Variants in EGFR observed in about 807,000 individuals in gnomAD.
EGFR encodes the protein avian erythroblastic leukemia viral (v-erb-b) oncogene homolog.
In EGFR, 58 loss-of-function variants were observed where a neutral mutation model predicts 143.0. The observed-to-expected ratio is 0.41, with a 90% CI of 0.33 to 0.50. EGFR has a LOEUF of 0.50. Ranked by LOEUF, EGFR falls within the 20% of genes least tolerant of loss-of-function variation. The probability of loss-of-function intolerance (pLI) is 0.39; values close to 1 mark genes in which losing one functional copy is unlikely to be tolerated. For synonymous variants in EGFR, 613 were observed against 594.4 expected (o/e 1.03, Z -0.45); for missense variants, 1,307 against 1,579.0 (o/e 0.83, Z 2.92).
chr7:55,096,490 TG>T (rs1791476918), intron 1 of EGFR, among the ~76,000 whole-genome samples: 1 of 152,168 alleles, frequency 6.6e-6, no homozygotes, highest in African/African-American at 2.4e-5. Flanking sequence ...CATCAGGCGA[TG>T]GGGATACGAT....
intron 1 of EGFR, among the ~76,000 whole-genome samples, chr7:55,062,649 T>A (rs1443365362): frequency 1.3e-5 from 2 of 152,162 alleles, no homozygotes; most frequent in South Asian, 4.1e-4. Context: ...GAGTCCCATA[T>A]TACTGCACGT....
chr7:55,078,311 C>G (rs1436259220), intron 1 of EGFR, among the ~76,000 whole-genome samples: 3 of 152,050 alleles, frequency 2.0e-5, no homozygotes, highest in Non-Finnish European at 2.9e-5. Context: ...CCCCACCCCA[C>G]CGCCACAGCC....
At chr7:55,077,873 T>A (rs1321682258) in intron 1 of EGFR, among the ~76,000 whole-genome samples, 1 of 152,118 alleles carries the variant, frequency 6.6e-6, no homozygotes, top group African/African-American at 2.4e-5. Context: ...GAGCTGGACA[T>A]TGAACCCTGA....
intron 1 of EGFR, among the ~76,000 whole-genome samples, chr7:55,100,874 C>T (rs1369287306): frequency 6.6e-6 from 1 of 152,260 alleles, no homozygotes; most frequent in African/African-American, 2.4e-5. Flanking sequence ...CTGCCAGAGG[C>T]AATATGCTCC....
chr7:55,153,961 C>T (rs368551732), intron 6 of EGFR, 50 bp from the exon 7 acceptor site: 283 of 1,613,770 alleles, frequency 1.8e-4, no homozygotes, highest in African/African-American at 4.0e-4. Context: ...CCGTGTGTGG[C>T]GCTGAGTGTA....
intron 1 of EGFR, among the ~76,000 whole-genome samples, chr7:55,021,060 G>A (rs113913630): frequency 2.0e-5 from 3 of 152,084 alleles, no homozygotes; most frequent in African/African-American, 2.4e-5. Flanking sequence ...TAAAGTCTCC[G>A]GAGATGTTAC....
At chr7:55,199,143 G>A (rs1301381676) in intron 23 of EGFR, among the ~76,000 whole-genome samples, 1 of 152,220 alleles carries the variant, frequency 6.6e-6, no homozygotes, top group Non-Finnish European at 1.5e-5. Context: ...TATTCGCTGA[G>A]TTACTCAATG....
intron 1 of EGFR, among the ~76,000 whole-genome samples, chr7:55,112,973 T>C (rs1792605132): frequency 6.6e-6 from 1 of 152,294 alleles, no homozygotes. Flanking sequence ...CAAGGAAGAT[T>C]AAATTATCCC....
chr7:55,141,740 G>A (rs1266962860), intron 1 of EGFR, among the ~76,000 whole-genome samples: 1 of 152,136 alleles, frequency 6.6e-6, no homozygotes, highest in Non-Finnish European at 1.5e-5. Flanking sequence ...CCCAGTGTAT[G>A]TTATGTTTGT....
intron 1 of EGFR, among the ~76,000 whole-genome samples, chr7:55,097,749 T>C (rs147019591): frequency 6.6e-6 from 1 of 152,116 alleles, no homozygotes; most frequent in South Asian, 2.1e-4. Context: ...GAGCATGTTG[T>C]GCCCAACTAG....
Position 55,102,335 on chromosome 7 carries a change from C to T in EGFR, c.89-39951C>T, listed in dbSNP as rs573580247. ...CTCCAGGAACCCCAGCCACCTTCGACCTCCAGCAGGGCACTCCACTCCACA... is the reference window on the plus strand; with the variant it reads ...CTCCAGGAACCCCAGCCACCTTCGATCTCCAGCAGGGCACTCCACTCCACA... On this transcript the variant is annotated intron_variant, in intron 1 of 27. Coordinates refer to ENST00000275493, the MANE Select transcript of EGFR (RefSeq NM_005228.5). Among the ~76,000 whole-genome samples the T allele has an allele frequency of 2.6e-5, 4 of 152,356 alleles. No homozygotes were observed. In the South Asian group the frequency reaches 6.2e-4, roughly 24 times the overall value.
At chr7:55,187,768 C>T (rs1035132748) in intron 20 of EGFR, among the ~76,000 whole-genome samples, 1 of 151,440 alleles carries the variant, frequency 6.6e-6, no homozygotes, top group Non-Finnish European at 1.5e-5. Context: ...TCAGAGCCCC[C>T]CTGAACCCCA....
At chr7:55,089,335 G>A (rs17172441) in intron 1 of EGFR, among the ~76,000 whole-genome samples, 29,124 of 152,136 alleles carry the variant, frequency 0.19, 3,201 homozygotes, top group African/African-American at 0.28. Context: ...CTCTGTGCAC[G>A]CAAAGGAGGG....
chr7:55,022,610 G>C (rs926851830), intron 1 of EGFR, among the ~76,000 whole-genome samples: 3 of 152,066 alleles, frequency 2.0e-5, no homozygotes, highest in Admixed American at 6.5e-5. Flanking sequence ...AAGGTTGAAG[G>C]GGGGGTGAGT....
At chr7:55,083,238 T>A (rs1294113429) in intron 1 of EGFR, among the ~76,000 whole-genome samples, 2 of 152,260 alleles carry the variant, frequency 1.3e-5, no homozygotes, top group Admixed American at 6.5e-5. Context: ...ACGTTGACTT[T>A]ATTTAGTAGC....
intron 7 of EGFR, 107 bp downstream of exon 7, chr7:55,154,259 G>A (rs1470036915): frequency 1.3e-6 from 2 of 1,559,504 alleles, no homozygotes; most frequent in Non-Finnish European, 1.7e-6. Flanking sequence ...GGGTGGATGT[G>A]TTTGCCTTGC....
intron 1 of EGFR, among the ~76,000 whole-genome samples, chr7:55,129,385 GCAT>G (rs1014178418): frequency 6.6e-6 from 1 of 152,352 alleles, no homozygotes; most frequent in East Asian, 1.9e-4. Context: ...GCAATACGTT[GCAT>G]CTGTGTTAAG....
intron 3 of EGFR, 109 bp from the exon 4 acceptor site, chr7:55,146,497 G>C: frequency 1.9e-6 from 3 of 1,546,542 alleles, no homozygotes; most frequent in Non-Finnish European, 2.6e-6. Flanking sequence ...ACTCTTGTTC[G>C]CACCATGGCA....
intron 1 of EGFR, among the ~76,000 whole-genome samples, chr7:55,110,400 C>G (rs530736548): frequency 6.6e-6 from 1 of 152,180 alleles, no homozygotes; most frequent in African/African-American, 2.4e-5. Flanking sequence ...TGCAGCCAAG[C>G]CTGCCCGGTC....
Sources: gnomAD v4.1 joint callset for allele counts (sites outside exome capture counted in the v4.1 genomes callset) on GRCh38, gnomAD v4.1.1 for gene constraint, MANE v1.5 for transcripts, NCBI Gene and HGNC (gene_info 2026-07-23, HGNC 2026-07-21) for gene names.